PLAGL1: variants seen among roughly 807,000 people sequenced by gnomAD.
The protein encoded by PLAGL1 is PLAG1 like zinc finger 1.
A neutral mutation model predicts 4.6 loss-of-function variants in PLAGL1; 1 was observed. The ratio of observed to expected loss-of-function variants is 0.22; its 90% CI spans 0.08 to 1.03. PLAGL1 has a LOEUF of 1.03. Ranked by LOEUF, PLAGL1 falls within the 50% of genes least tolerant of loss-of-function variation. The probability of loss-of-function intolerance (pLI) is 0.58; values close to 1 mark genes in which losing one functional copy is unlikely to be tolerated. For synonymous variants in PLAGL1, 240 were observed against 237.8 expected, an observed-to-expected ratio of 1.01 and a Z score of -0.08; for missense variants, 464 against 570.4, an observed-to-expected ratio of 0.81 and a Z score of 1.90.
chr6:144,048,084 T>A lies in PLAGL1; in HGVS notation c.-151+16384A>T, dbSNP rs1346955236. ...AATCCAAGGGGACAGTCATTAAATC[T>A]TAAAGCTCCAACATAATCTCCTTTT... On this transcript the variant is annotated intron_variant, in intron 1 of 3. Transcript: ENST00000437412. This position sits in a 1 kb window ranked among gnomAD's most constrained non-coding sequence, Gnocchi z 4.8. Among the ~76,000 whole-genome samples, 2 of 152,232 alleles carry A rather than the reference T, an allele frequency of 1.3e-5. No individual in the cohort carries two copies. Among genetic ancestry groups the A allele is most frequent in the Non-Finnish European group, 2.9e-5 (2 of 68,034 alleles).
At position 143,945,455 on chromosome 6, in the gene PLAGL1, T is replaced by G. The variant is rs140492042; in HGVS notation, c.152+2530A>C. ...GTTTTCTGGTTAAGCAAGTCAGTTA[T>G]TTTTTCCTTCAACCTCTGTTGCCTC... On this transcript the variant is annotated intron_variant, in intron 7 of 7. Coordinates refer to ENST00000674357, the MANE Select transcript of PLAGL1 (RefSeq NM_001317162.2). This position sits in a 1 kb window ranked among gnomAD's most constrained non-coding sequence, Gnocchi z 4.2. Among the ~76,000 whole-genome samples the G allele has an allele frequency of 1.7e-3, 255 of 152,296 alleles. 3 individuals are homozygous for G. In the East Asian group the frequency reaches 0.026, roughly 15 times the overall value.
rs1216289989 is a variant in PLAGL1 at position 143,958,432 on chromosome 6, T to C, written c.-325+2037A>G. The stretch of plus-strand genomic sequence containing the variant: ...TCGATGTAGAAATATCCAGAACTTA[T>C]AGTAAACTGTGTACATGCATGGTTA... On this transcript the variant is annotated intron_variant, in intron 6 of 7. Transcript: ENST00000674357. This position sits in a 1 kb window ranked among gnomAD's most constrained non-coding sequence, Gnocchi z 5.1. 6.6e-6 allele frequency among the ~76,000 whole-genome samples: 1 copy of C among 152,214 alleles called. No homozygotes were observed. Among genetic ancestry groups the C allele is most frequent in the Admixed American group, 6.5e-5 (1 of 15,290 alleles).
chr6:144,038,835 G>T (rs1311320345), intron 1 of PLAGL1, among the ~76,000 whole-genome samples: 1 of 152,168 alleles, frequency 6.6e-6, no homozygotes, highest in Non-Finnish European at 1.5e-5. Flanking sequence ...AGTGATGAAA[G>T]GAGTGGGGAT....
At chr6:144,001,994 A>T (rs567139377) in intron 1 of PLAGL1, among the ~76,000 whole-genome samples, 4 of 151,582 alleles carry the variant, frequency 2.6e-5, no homozygotes, top group Admixed American at 1.3e-4. Flanking sequence ...TCCTGAAATT[A>T]AAAAAAAAGA....
intron 1 of PLAGL1, among the ~76,000 whole-genome samples, chr6:144,017,790 T>C (rs2128695048): frequency 6.6e-6 from 1 of 152,334 alleles, no homozygotes. Flanking sequence ...CCCCTGGAAA[T>C]CTTCAACTCC....
At position 144,061,683 on chromosome 6, in the gene PLAGL1, A is replaced by T. The variant is rs927730159; in HGVS notation, c.-151+2785T>A. On this transcript the variant is annotated intron_variant, in intron 1 of 3. Coordinates refer to the PLAGL1 transcript ENST00000437412. The surrounding 1 kb of genome is among the most constrained non-coding windows in gnomAD (Gnocchi z 4.4). ...AGTTTTATTAAAATGTATATGAAAA[A>T]ATAAGTCCCTGAGGAAGAAGTTGGC... Among the ~76,000 whole-genome samples, 21 of 152,310 alleles carry T rather than the reference A, an allele frequency of 1.4e-4. No individual in the cohort carries two copies. The South Asian group carries it at 2.1e-3, about 15-fold the overall frequency.
At chr6:144,035,057 T>C (rs1797118660) in intron 1 of PLAGL1, among the ~76,000 whole-genome samples, 1 of 152,214 alleles carries the variant, frequency 6.6e-6, no homozygotes, top group African/African-American at 2.4e-5. Flanking sequence ...AATTCAACTT[T>C]CCTGTACATT....
rs374763372 is a variant in PLAGL1, at chr6:144,028,786, G to T, written c.-151+35682C>A. ...TCCAAAGCAAATGCTTGTTATCTAC[G>T]TGCTGGGACTACAATATCATCCATG... On this transcript the variant is annotated intron_variant, in intron 1 of 3. Transcript: ENST00000437412. Among the ~76,000 whole-genome samples, 26 of 152,270 alleles carry T rather than the reference G, an allele frequency of 1.7e-4. No homozygotes were observed. The South Asian group carries it at 4.8e-3, about 28-fold the overall frequency.
In PLAGL1 at chr6:144,056,572, A is replaced by AGTAG. The variant is rs1460979699; in HGVS notation, c.-151+7892_-151+7895dup. 2.0e-5 allele frequency among the ~76,000 whole-genome samples: 3 copies of AGTAG among 152,170 alleles called. No individual in the cohort carries two copies. The highest frequency in any genetic ancestry group is 2.9e-5 in the Non-Finnish European group (2 of 68,030). On this transcript the variant is annotated intron_variant, in intron 1 of 3. Coordinates refer to the PLAGL1 transcript ENST00000437412. This position sits in a 1 kb window ranked among gnomAD's most constrained non-coding sequence, Gnocchi z 4.7. ...TTCTGCCTTCTCTAGAATGTCATAC[A>AGTAG]GTAGGTAGCCCTTTCAGGTTGGCTT...
chr6:144,040,890 A>G (rs1797675579), intron 1 of PLAGL1, among the ~76,000 whole-genome samples: 1 of 152,224 alleles, frequency 6.6e-6, no homozygotes, highest in Admixed American at 6.5e-5. Context: ...AACAAAAACA[A>G]AAACAAAACA....
rs911107768 is a variant in PLAGL1, at chr6:143,978,060, G to T, written c.-544+7075C>A. Among the ~76,000 whole-genome samples, 4 of 152,124 alleles carry T rather than the reference G, an allele frequency of 2.6e-5. No individual in the cohort carries two copies. The highest frequency in any genetic ancestry group is 9.7e-5 in the African/African-American group (4 of 41,424). The stretch of plus-strand genomic sequence containing the variant: ...TTCATTCCTAATATTGGCAATTGGT[G>T]TACTCATTTTTCCTTGGTTGCCTGG... On this transcript the variant is annotated intron_variant, in intron 2 of 7. Coordinates refer to ENST00000674357, the MANE Select transcript of PLAGL1 (RefSeq NM_001317162.2). The surrounding 1 kb of genome is among the most constrained non-coding windows in gnomAD (Gnocchi z 4.6).
chr6:144,037,961 A>G (rs1053103956), intron 1 of PLAGL1, among the ~76,000 whole-genome samples: 10 of 152,342 alleles, frequency 6.6e-5, no homozygotes, highest in African/African-American at 2.4e-4. Flanking sequence ...GGTAATACTA[A>G]AATGAACTAA....
chr6:144,009,472 C>A (rs1312399266), upstream of PLAGL1, among the ~76,000 whole-genome samples: 13 of 152,138 alleles, frequency 8.5e-5, no homozygotes, highest in Admixed American at 8.5e-4. Context: ...ATTTTCAATT[C>A]ACACCTTCCT....
At position 144,013,551 on chromosome 6, in the gene PLAGL1, G is replaced by T. The variant is rs913890989; in HGVS notation, c.-150-44573C>A. ...AACATGAAATTTATTTTCTGAGTCC[G>T]AAAGGCCAGAAGTCTGAAATCAAGA... On this transcript the variant is annotated intron_variant, in intron 1 of 3. Coordinates refer to the PLAGL1 transcript ENST00000437412. This position sits in a 1 kb window ranked among gnomAD's most constrained non-coding sequence, Gnocchi z 4.4. 6.6e-6 allele frequency among the ~76,000 whole-genome samples: 1 copy of T among 152,164 alleles called. No homozygotes were observed. Among genetic ancestry groups the T allele is most frequent in the African/African-American group, 2.4e-5 (1 of 41,444 alleles).
At chr6:143,951,558 T>G (rs532361997) in intron 6 of PLAGL1, among the ~76,000 whole-genome samples, 1 of 152,378 alleles carries the variant, frequency 6.6e-6, no homozygotes, top group African/African-American at 2.4e-5. Flanking sequence ...AACTTGCCCT[T>G]TGGCACTGAA....
intron 6 of PLAGL1, among the ~76,000 whole-genome samples, chr6:143,956,980 G>T (rs1470239027): frequency 6.6e-6 from 1 of 152,218 alleles, no homozygotes; most frequent in Non-Finnish European, 1.5e-5. Flanking sequence ...AAGGGGCTGG[G>T]ACAGCCAGGA....
Position 144,004,276 on chromosome 6 carries a change from A to C in PLAGL1, c.-584+3814T>G, listed in dbSNP as rs1353122661. Among the ~76,000 whole-genome samples, 1 of 151,974 alleles carries C rather than the reference A, an allele frequency of 6.6e-6. No individual in the cohort carries two copies. The highest frequency in any genetic ancestry group is 2.4e-5 in the African/African-American group (1 of 41,376). On this transcript the variant is annotated intron_variant, in intron 1 of 7. Transcript: ENST00000674357. This position sits in a 1 kb window ranked among gnomAD's most constrained non-coding sequence, Gnocchi z 4.2. ...AGTTCACTGTAAGCTCGAACTCCTG[A>C]GCTCAAGAGATTCTCCTGCCTCAGC...
At chr6:144,062,425 A>AT (rs1346454030) in intron 1 of PLAGL1, among the ~76,000 whole-genome samples, 1 of 134,622 alleles carries the variant, frequency 7.4e-6, no homozygotes, top group Non-Finnish European at 1.5e-5. Context: ...AGTCATTTCC[A>AT]TTTTTAGATT....
chr6:144,062,236 G>A (rs1799468214), intron 1 of PLAGL1, among the ~76,000 whole-genome samples: 1 of 152,008 alleles, frequency 6.6e-6, no homozygotes. Flanking sequence ...ACTTAGCCAG[G>A]TGAGGAGGCA....
Sources: gnomAD v4.1 joint callset for allele counts (sites outside exome capture counted in the v4.1 genomes callset) on GRCh38, gnomAD v4.1.1 for gene constraint, Gnocchi (gnomAD v3.1) non-coding constraint, MANE v1.5 for transcripts, NCBI Gene and HGNC (gene_info 2026-07-23, HGNC 2026-07-21) for gene names.